FGD4: variants seen among roughly 807,000 people sequenced by gnomAD.
The protein encoded by FGD4 is FYVE, RhoGEF and PH domain containing 4.
FGD4 carries 42 observed loss-of-function variants against 102.0 expected under a neutral mutation model. The observed-to-expected ratio is 0.41, with a 90% CI of 0.32 to 0.53. FGD4 has a LOEUF of 0.53. Among genes scored for constraint, FGD4 ranks in the 20% least tolerant of loss-of-function variants. The pLI, the probability that FGD4 is intolerant of heterozygous loss-of-function variation, is 0.21. For missense variants in FGD4, 902 were observed against 1,078.2 expected, an observed-to-expected ratio of 0.84 and a Z score of 2.29; for synonymous variants, 380 against 375.7, an observed-to-expected ratio of 1.01 and a Z score of -0.13.
rs945371486 is a variant in FGD4, at chr12:32,611,373, T to G, written c.1749+90T>G. The stretch of plus-strand genomic sequence containing the variant: ...GCTCATGCCTGTAATCCCAGCACTT[T>G]GGGAGGCCGAGGCGAGTGGATCTCC... On this transcript the variant is annotated intron_variant, in intron 10 of 16. Coordinates refer to ENST00000534526, the MANE Select transcript of FGD4 (RefSeq NM_001370298.3). The G allele has an allele frequency of 1.2e-4, 187 of 1,498,918 alleles. No individual in the cohort carries two copies. The African/African-American group carries it at 2.4e-3, about 20-fold the overall frequency. 92.9% of individuals were successfully genotyped at this position (1,498,918 alleles called of 1,614,324 possible).
chr12:32,526,351 CCAAT>C (rs1017062306), intron 1 of FGD4, among the ~76,000 whole-genome samples: 5 of 152,178 alleles, frequency 3.3e-5, no homozygotes, highest in African/African-American at 1.2e-4. Flanking sequence ...TGTAAACACA[CCAAT>C]CAGCACCCTG....
At chr12:32,439,167 C>A (rs2088807) in intron 1 of FGD4, among the ~76,000 whole-genome samples, 1 of 151,988 alleles carries the variant, frequency 6.6e-6, no homozygotes, top group African/African-American at 2.4e-5. Flanking sequence ...ATTCTACTCT[C>A]AACTTCTATG....
In FGD4 at chr12:32,481,127, C is replaced by CAAAAAAAAAAAAAAAA. The variant is rs1157108520; in HGVS notation, c.166+81183_166+81198dup. Among the ~76,000 whole-genome samples, 12 of 27,360 alleles carry CAAAAAAAAAAAAAAAA rather than the reference C, an allele frequency of 4.4e-4. 2 individuals carry two copies. Among genetic ancestry groups the CAAAAAAAAAAAAAAAA allele is most frequent in the East Asian group, 1.9e-3 (1 of 530 alleles). 17.9% of individuals were successfully genotyped at this position (27,360 alleles called of 152,430 possible). ...TGGGTGACAGAGTGAGACTCCGTCT[C>CAAAAAAAAAAAAAAAA]AAAAAAAAAAAAAAAAAAAAAAAAA... On this transcript the variant is annotated intron_variant, in intron 1 of 16. Coordinates refer to ENST00000534526, the MANE Select transcript of FGD4 (RefSeq NM_001370298.3).
At chr12:32,431,633 G>T (rs1334022052) in intron 1 of FGD4, among the ~76,000 whole-genome samples, 2 of 151,972 alleles carry the variant, frequency 1.3e-5, no homozygotes, top group Non-Finnish European at 2.9e-5. Flanking sequence ...TCTGGGCCGG[G>T]CGCAGTGGCT....
intron 1 of FGD4, among the ~76,000 whole-genome samples, chr12:32,458,377 A>T (rs1441899912): frequency 6.6e-6 from 1 of 151,908 alleles, no homozygotes; most frequent in Non-Finnish European, 1.5e-5. Flanking sequence ...GGATTTTGCC[A>T]TGTTGCCCAG....
intron 1 of FGD4, among the ~76,000 whole-genome samples, chr12:32,478,102 T>C (rs1943627305): frequency 6.6e-6 from 1 of 152,236 alleles, no homozygotes; most frequent in Admixed American, 6.5e-5. Context: ...ATATCCATCT[T>C]TCATAGGATC....
intron 1 of FGD4, among the ~76,000 whole-genome samples, chr12:32,403,095 T>A (rs1940759539): frequency 6.6e-6 from 1 of 151,166 alleles, no homozygotes. Flanking sequence ...TAGGCATTAC[T>A]CAATTGAAAT....
intron 1 of FGD4, chr12:32,511,705 A>C (rs1281913393): frequency 1.3e-5 from 2 of 152,214 alleles, no homozygotes; most frequent in East Asian, 3.9e-4. Flanking sequence ...TAACTCACAC[A>C]TTAAAATTCT....
intron 1 of FGD4, among the ~76,000 whole-genome samples, chr12:32,406,385 C>A (rs1228450380): frequency 1.3e-5 from 2 of 151,650 alleles, no homozygotes; most frequent in Non-Finnish European, 2.9e-5. Context: ...GAAACCCTGT[C>A]TCTACTAAAA....
intron 7 of FGD4, among the ~76,000 whole-genome samples, chr12:32,606,879 C>G (rs186577068): frequency 6.6e-6 from 1 of 152,190 alleles, no homozygotes; most frequent in African/African-American, 2.4e-5. Context: ...AATTTGGTTT[C>G]TAATGAAAAA....
chr12:32,622,673 ACCT>A (rs1949915370), intron 11 of FGD4, among the ~76,000 whole-genome samples: 1 of 151,936 alleles, frequency 6.6e-6, no homozygotes, highest in Non-Finnish European at 1.5e-5. Context: ...GCTCACTGCA[ACCT>A]CCTCCTCCCA....
chr12:32,438,053 G>A (rs1357803719), intron 1 of FGD4, among the ~76,000 whole-genome samples: 2 of 152,140 alleles, frequency 1.3e-5, no homozygotes, highest in Admixed American at 1.3e-4. Flanking sequence ...CATCATGTCC[G>A]GGTAATTTCT....
chr12:32,429,915 T>G (rs77054557), intron 1 of FGD4, among the ~76,000 whole-genome samples: 3,615 of 152,170 alleles, frequency 0.024, 153 homozygotes, highest in African/African-American at 0.083. Flanking sequence ...ACCTGCATCT[T>G]GTTGAAACGA....
intron 10 of FGD4, among the ~76,000 whole-genome samples, chr12:32,617,361 G>T (rs1949512101): frequency 3.3e-5 from 5 of 152,150 alleles, no homozygotes; most frequent in Admixed American, 2.0e-4. Flanking sequence ...TTTGAACACA[G>T]AACGAGCACT....
chr12:32,481,997 G>C (rs75921924), intron 1 of FGD4, among the ~76,000 whole-genome samples: 6,961 of 152,144 alleles, frequency 0.046, 221 homozygotes, highest in South Asian at 0.13. Flanking sequence ...CTCTATAGTA[G>C]TGCCAGTTGT....
In FGD4 at chr12:32,582,035, T is replaced by C. The variant is rs1390945653; in HGVS notation, c.579T>C (p.His193=). 1 of 1,614,206 alleles carries C rather than the reference T, an allele frequency of 6.2e-7. No individual in the cohort carries two copies. Among genetic ancestry groups the C allele is most frequent in the Non-Finnish European group, 8.5e-7 (1 of 1,180,038 alleles). The change falls in exon 4 of 17, where the codon CAT becomes CAC. Residue 193 remains histidine, a synonymous_variant. Transcript: ENST00000534526. The part of the protein sequence containing the change: ...NLNAPRTPGR[H]GLTTTPQQKL... ...ATGCTCCTAGAACCCCAGGAAGGCATGGATTGACAACCACACCTCAACAAA... is the reference window on the plus strand; with the variant it reads ...ATGCTCCTAGAACCCCAGGAAGGCACGGATTGACAACCACACCTCAACAAA...
intron 2 of FGD4, 147 bp from the exon 3 acceptor site, chr12:32,576,119 T>C (rs1182056975): frequency 8.2e-6 from 6 of 735,712 alleles, no homozygotes; most frequent in Admixed American, 2.9e-5. Flanking sequence ...CAAAAGTCTT[T>C]TGGTTATGGT....
intron 1 of FGD4, among the ~76,000 whole-genome samples, chr12:32,443,073 C>T (rs1565743152): frequency 6.6e-6 from 1 of 152,156 alleles, no homozygotes; most frequent in Non-Finnish European, 1.5e-5. Context: ...TGGATTTAAC[C>T]TCTTACCAGA....
chr12:32,463,692 C>G (rs1943172588), intron 1 of FGD4, among the ~76,000 whole-genome samples: 1 of 152,302 alleles, frequency 6.6e-6, no homozygotes, highest in East Asian at 1.9e-4. Context: ...ATTGGCAAAC[C>G]TGAGGTTGCC....
Sources: gnomAD v4.1 joint callset for allele counts (sites outside exome capture counted in the v4.1 genomes callset) on GRCh38, gnomAD v4.1.1 for gene constraint, MANE v1.5 for transcripts, NCBI Gene and HGNC (gene_info 2026-07-23, HGNC 2026-07-21) for gene names.